Variants in FER observed in about 807,000 individuals in gnomAD.
FER encodes the protein tyrosine-protein kinase Fer.
FER carries 63 observed loss-of-function variants against 111.0 expected under a neutral mutation model. The ratio of observed to expected loss-of-function variants is 0.57; its 90% CI spans 0.46 to 0.70. The LOEUF is 0.70. FER is among the 30% of genes least tolerant of loss of function. The pLI, the probability that FER is intolerant of heterozygous loss-of-function variation, is 0.00. For synonymous variants in FER, 327 were observed against 313.9 expected (o/e 1.04, Z -0.44); for missense variants, 914 against 954.0 (o/e 0.96, Z 0.55).
intron 18 of FER, among the ~76,000 whole-genome samples, chr5:109,185,989 G>A (rs1238186048): frequency 6.6e-6 from 1 of 152,140 alleles, no homozygotes; most frequent in Non-Finnish European, 1.5e-5. Flanking sequence ...AAAAGGTAAT[G>A]TGTTATACTA....
chr5:108,823,184 C>T (rs550745266), intron 3 of FER, among the ~76,000 whole-genome samples: 2 of 152,238 alleles, frequency 1.3e-5, no homozygotes, highest in Admixed American at 6.5e-5. Context: ...CAAACTTTAA[C>T]GTGAGTTTTG....
At chr5:108,776,313 T>C (rs1367292706) in intron 2 of FER, among the ~76,000 whole-genome samples, 1 of 152,108 alleles carries the variant, frequency 6.6e-6, no homozygotes, top group African/African-American at 2.4e-5. Context: ...ATATCAATGT[T>C]AAAATAAATA....
In FER at chr5:109,106,087, C is replaced by T. The variant is rs188097072; in HGVS notation, c.2048+5568C>T. ...CTGGTTCTAAGGCCACACACTGAAT[C>T]TACTCTACTGCCTTGTACAACAGAG... On this transcript the variant is annotated intron_variant, in intron 17 of 19. Transcript: ENST00000281092. Among the ~76,000 whole-genome samples the T allele has an allele frequency of 3.9e-5, 6 of 152,320 alleles. No individual in the cohort carries two copies. The East Asian group carries it at 1.2e-3, about 29-fold the overall frequency.
At chr5:108,886,131 A>T (rs377523976) in intron 9 of FER, among the ~76,000 whole-genome samples, 35 of 151,918 alleles carry the variant, frequency 2.3e-4, no homozygotes, top group African/African-American at 7.0e-4. Context: ...ATGTCTGGCT[A>T]TAAGTTGTTG....
chr5:108,859,225 C>T lies in FER; in HGVS notation c.482-8542C>T, dbSNP rs147399598. ...TTTTCTTTAACTCTTACATTGCTGTCACTGCTGTGATCTACCACTACAGTT... is the reference window on the plus strand; with the variant it reads ...TTTTCTTTAACTCTTACATTGCTGTTACTGCTGTGATCTACCACTACAGTT... On this transcript the variant is annotated intron_variant, in intron 5 of 19. Transcript: ENST00000281092. Among the ~76,000 whole-genome samples the T allele has an allele frequency of 7.0e-3, 1,062 of 152,258 alleles. 11 individuals carry two copies. Among genetic ancestry groups the T allele is most frequent in the Non-Finnish European group, 0.011 (715 of 68,022 alleles).
chr5:109,117,602 A>G (rs1750407061), intron 17 of FER, among the ~76,000 whole-genome samples: 1 of 152,038 alleles, frequency 6.6e-6, no homozygotes, highest in South Asian at 2.1e-4. Context: ...CTTGGACAGT[A>G]TGGCCATTTT....
intron 2 of FER, among the ~76,000 whole-genome samples, chr5:108,797,716 T>C (rs1365827236): frequency 6.6e-6 from 1 of 152,204 alleles, no homozygotes; most frequent in African/African-American, 2.4e-5. Flanking sequence ...CACCTGATTT[T>C]TGTGTGTGTA....
intron 2 of FER, among the ~76,000 whole-genome samples, chr5:108,783,196 C>G (rs1166904608): frequency 2.6e-5 from 4 of 152,116 alleles, no homozygotes; most frequent in African/African-American, 9.7e-5. Context: ...TTCTGTTGTT[C>G]TGTCCATAAG....
intron 16 of FER, among the ~76,000 whole-genome samples, chr5:109,083,045 A>G (rs1344500296): frequency 6.6e-6 from 1 of 152,052 alleles, no homozygotes; most frequent in African/African-American, 2.4e-5. Context: ...GATAGGTGTT[A>G]AATCTATATT....
chr5:108,949,764 T>C (rs184673080), intron 11 of FER, among the ~76,000 whole-genome samples: 9 of 152,264 alleles, frequency 5.9e-5, no homozygotes, highest in Admixed American at 2.0e-4. Flanking sequence ...GATTTTAGCA[T>C]TGAATATAGT....
At chr5:108,749,831 A>C (rs1419334930) in intron 1 of FER, among the ~76,000 whole-genome samples, 3 of 152,126 alleles carry the variant, frequency 2.0e-5, no homozygotes, top group Non-Finnish European at 4.4e-5. Context: ...CTACTTTCTG[A>C]ATACGCTCAT....
At chr5:108,758,459 C>T (rs1208336218) in intron 1 of FER, among the ~76,000 whole-genome samples, 1 of 152,188 alleles carries the variant, frequency 6.6e-6, no homozygotes. Flanking sequence ...TCTGCTCATA[C>T]TTAGGGCACT....
intron 17 of FER, among the ~76,000 whole-genome samples, chr5:109,145,143 C>G (rs949249774): frequency 1.3e-5 from 2 of 151,812 alleles, no homozygotes; most frequent in Admixed American, 6.6e-5. Flanking sequence ...AGAGCTTTGC[C>G]TAGCAAAGCT....
chr5:109,134,489 C>T (rs1752686863), intron 17 of FER, among the ~76,000 whole-genome samples: 1 of 151,914 alleles, frequency 6.6e-6, no homozygotes, highest in African/African-American at 2.4e-5. Flanking sequence ...GATTATACTC[C>T]TTCCACCCCA....
intron 16 of FER, among the ~76,000 whole-genome samples, chr5:109,051,028 A>G (rs1772720020): frequency 6.6e-6 from 1 of 152,192 alleles, no homozygotes; most frequent in African/African-American, 2.4e-5. Flanking sequence ...AAAAGCCCTA[A>G]TCTATGTATC....
chr5:108,879,697 A>ATATATATATAT (rs1554084588), intron 8 of FER, among the ~76,000 whole-genome samples: 9 of 96,048 alleles, frequency 9.4e-5, no homozygotes, highest in African/African-American at 4.3e-4. Context: ...TTAGATTAAA[A>ATATATATATAT]AAAAATATAT....
At position 108,798,361 on chromosome 5, in the gene FER, A is replaced by C; in HGVS notation, c.179A>C (p.Gln60Pro). ...CAAGTTGATAAGGAAAGTACTGTCCAAATGAATTATGTCAGCAACGTATCC... is the reference window on the plus strand; with the variant it reads ...CAAGTTGATAAGGAAAGTACTGTCCCAATGAATTATGTCAGCAACGTATCC... Reference protein sequence around the residue: ...CNQVDKESTVQMNYVSNVSKS... With the variant: ...CNQVDKESTVPMNYVSNVSKS... The change falls in exon 3 of 20, where the codon CAA becomes CCA. Residue 60 changes from glutamine to proline, a missense_variant. By Grantham distance (76) the Gln-to-Pro change is moderately conservative (BLOSUM62 -1). Coordinates refer to ENST00000281092, the MANE Select transcript of FER (RefSeq NM_005246.4). 6.2e-7 allele frequency: 1 copy of C among 1,613,574 alleles called. No homozygotes were observed. The highest frequency in any genetic ancestry group is 1.3e-5 in the African/African-American group (1 of 75,054).
chr5:109,177,693 A>AGTGTCC (rs1231047193), intron 17 of FER: 1 of 152,336 alleles, frequency 6.6e-6, no homozygotes, highest in East Asian at 1.9e-4. Context: ...ATGACTTGTA[A>AGTGTCC]GACACCTCTG....
intron 5 of FER, among the ~76,000 whole-genome samples, chr5:108,850,066 G>A (rs1420311272): frequency 2.0e-5 from 3 of 151,938 alleles, no homozygotes; most frequent in Admixed American, 6.6e-5. Flanking sequence ...ATGGTGGTGC[G>A]CGCCTGTAGT....
Sources: gnomAD v4.1 joint callset for allele counts (sites outside exome capture counted in the v4.1 genomes callset) on GRCh38, gnomAD v4.1.1 for gene constraint, MANE v1.5 for transcripts, NCBI Gene and HGNC (gene_info 2026-07-23, HGNC 2026-07-21) for gene names.